RAPGEF4: variants seen among roughly 807,000 people sequenced by gnomAD.
The protein encoded by RAPGEF4 is Rap guanine nucleotide exchange factor 4, also known as RAP guanine-nucleotide-exchange factor (GEF) 4.
Under a neutral mutation model 147.9 loss-of-function variants are expected in RAPGEF4, and 66 were observed. That is an observed-to-expected ratio of 0.45 (90% CI 0.37 to 0.55). The LOEUF is 0.55. RAPGEF4 is among the 20% of genes least tolerant of loss of function. RAPGEF4 has a pLI of 0.00. For synonymous variants in RAPGEF4, 419 were observed against 442.7 expected (o/e 0.95, Z 0.67); for missense variants, 1,071 against 1,257.3 (o/e 0.85, Z 2.24).
intron 1 of RAPGEF4, among the ~76,000 whole-genome samples, chr2:172,774,075 C>G (rs926386640): frequency 4.6e-5 from 7 of 152,134 alleles, no homozygotes; most frequent in African/African-American, 1.7e-4. Flanking sequence ...CTTACTGTTG[C>G]GCTACTTCTA....
chr2:172,827,753 T>C (rs1689827398), intron 4 of RAPGEF4, among the ~76,000 whole-genome samples: 1 of 152,296 alleles, frequency 6.6e-6, no homozygotes, highest in Admixed American at 6.5e-5. Flanking sequence ...AGAAATGATA[T>C]AATGTAATCA....
intron 11 of RAPGEF4, among the ~76,000 whole-genome samples, chr2:172,983,787 G>T (rs1378073431): frequency 6.6e-6 from 1 of 152,116 alleles, no homozygotes; most frequent in Non-Finnish European, 1.5e-5. Flanking sequence ...ATTGGTAGTT[G>T]CCCATGTGCC....
At chr2:173,050,622 T>C (rs1686076516) in intron 30 of RAPGEF4, among the ~76,000 whole-genome samples, 1 of 152,198 alleles carries the variant, frequency 6.6e-6, no homozygotes, top group African/African-American at 2.4e-5. Context: ...TACCCAGTGA[T>C]GCTTGAAATG....
At chr2:172,793,945 G>C (rs1320850417) in intron 1 of RAPGEF4, among the ~76,000 whole-genome samples, 1 of 152,080 alleles carries the variant, frequency 6.6e-6, no homozygotes, top group Non-Finnish European at 1.5e-5. Context: ...AGACCAGCCT[G>C]GGCAATATGA....
intron 23 of RAPGEF4, among the ~76,000 whole-genome samples, chr2:173,022,568 A>G (rs1449460617): frequency 1.3e-5 from 2 of 152,004 alleles, no homozygotes; most frequent in East Asian, 3.9e-4. Flanking sequence ...TGTTGGCCAC[A>G]CTCTCTGATC....
chr2:172,826,964 C>CA (rs59106041), intron 4 of RAPGEF4, among the ~76,000 whole-genome samples: 4,398 of 138,724 alleles, frequency 0.032, 94 homozygotes, highest in East Asian at 0.11. Flanking sequence ...GACCCTTTCT[C>CA]AAAAAAAAAA....
rs373078674 is a variant in RAPGEF4 at position 172,748,353 on chromosome 2, A to G, written c.65+12305A>G. Among the ~76,000 whole-genome samples the G allele has an allele frequency of 7.2e-4, 110 of 152,314 alleles. 2 individuals carry two copies. In the South Asian group the frequency reaches 0.023, roughly 32 times the overall value. The stretch of plus-strand genomic sequence containing the variant: ...TAATTTATGAAGAAAAAGAGGTTTA[A>G]TGGACTCATAGTTCCATGTGTCTGG... On this transcript the variant is annotated intron_variant, in intron 1 of 30. Transcript: ENST00000397081.
chr2:172,740,741 C>T (rs994067000), intron 1 of RAPGEF4, among the ~76,000 whole-genome samples: 1 of 152,172 alleles, frequency 6.6e-6, no homozygotes, highest in East Asian at 1.9e-4. Context: ...GACATTACCC[C>T]GGTACATCCT....
intron 10 of RAPGEF4, among the ~76,000 whole-genome samples, chr2:172,969,298 T>C (rs541546205): frequency 1.3e-5 from 2 of 152,378 alleles, no homozygotes; most frequent in East Asian, 3.9e-4. Flanking sequence ...ACAAGAAGGC[T>C]TCTCCTCCTT....
chr2:173,016,318 G>T (rs1007678640), intron 18 of RAPGEF4, 31 bp from the exon 19 acceptor site: 6 of 1,507,670 alleles, frequency 4.0e-6, no homozygotes, highest in Middle Eastern at 1.7e-4. Context: ...TGCAGTTCTT[G>T]TTAAAAGCCT....
chr2:172,887,954 G>A (rs1006020737), intron 4 of RAPGEF4, among the ~76,000 whole-genome samples: 1 of 152,050 alleles, frequency 6.6e-6, no homozygotes, highest in African/African-American at 2.4e-5. Flanking sequence ...ATATATTAAA[G>A]CCCTTATCAT....
chr2:172,757,868 A>G (rs1257248888), intron 1 of RAPGEF4, among the ~76,000 whole-genome samples: 1 of 152,238 alleles, frequency 6.6e-6, no homozygotes, highest in Non-Finnish European at 1.5e-5. Context: ...CCAAAGAAAC[A>G]CCTTCTAGGT....
intron 4 of RAPGEF4, among the ~76,000 whole-genome samples, chr2:172,894,729 G>A (rs1441515601): frequency 6.6e-6 from 1 of 152,092 alleles, no homozygotes; most frequent in Non-Finnish European, 1.5e-5. Flanking sequence ...GCCAAAGTCT[G>A]GCTTTGCTCT....
chr2:172,958,653 G>C (rs1013558498), intron 6 of RAPGEF4, among the ~76,000 whole-genome samples: 11 of 152,132 alleles, frequency 7.2e-5, no homozygotes, highest in African/African-American at 2.4e-4. Context: ...GATCTGTGCT[G>C]GTAAACAGTA....
rs552803305 is a variant in RAPGEF4 at position 172,767,339 on chromosome 2, C to T, written c.66-27686C>T. On this transcript the variant is annotated intron_variant, in intron 1 of 30. Coordinates refer to ENST00000397081, the MANE Select transcript of RAPGEF4 (RefSeq NM_007023.4). ...GATTACAGGCATGCGCCACCATGCC[C>T]GGCTAGTTTTTGTATTTTTAGTATA... 6.1e-4 allele frequency among the ~76,000 whole-genome samples: 93 copies of T among 152,190 alleles called. 1 individual carries two copies. The highest frequency in any genetic ancestry group is 4.1e-3 in the Admixed American group (62 of 15,282).
intron 23 of RAPGEF4, among the ~76,000 whole-genome samples, chr2:173,025,172 C>A (rs189380972): frequency 6.6e-6 from 1 of 152,224 alleles, no homozygotes; most frequent in South Asian, 2.1e-4. Context: ...GGACCAGCAG[C>A]AGATGCTGCC....
intron 6 of RAPGEF4, among the ~76,000 whole-genome samples, chr2:172,941,877 A>G (rs912874355): frequency 4.1e-4 from 62 of 152,154 alleles, no homozygotes; most frequent in African/African-American, 1.2e-3. Context: ...GAACACGCAT[A>G]TAAAGTTCAC....
At position 173,051,912 on chromosome 2, in the gene RAPGEF4, A is replaced by G; in HGVS notation, c.*145A>G. On this transcript the variant is annotated 3_prime_UTR_variant, in exon 31 of 31. Transcript: ENST00000397081. Reference sequence around the variant, plus strand: ...CCTGAGACACCTCAGGGCTGCATTCAGCTTACCAGCTACCTAGCAAGAGAA... The same window carrying G: ...CCTGAGACACCTCAGGGCTGCATTCGGCTTACCAGCTACCTAGCAAGAGAA... 6.0e-6 allele frequency: 5 copies of G among 835,970 alleles called. No homozygotes were observed. The allele number at this position is 835,970 out of a possible 1,614,324, so 51.8% of individuals were successfully genotyped here. A position where few individuals can be genotyped will look rare whatever the true frequency, so the allele number is the denominator to read the frequency against.
intron 4 of RAPGEF4, among the ~76,000 whole-genome samples, chr2:172,850,979 G>A (rs891483265): frequency 6.6e-6 from 1 of 152,012 alleles, no homozygotes; most frequent in South Asian, 2.1e-4. Flanking sequence ...CTTGTCTTAT[G>A]CTAGCTTTGG....
Sources: gnomAD v4.1 joint callset for allele counts (sites outside exome capture counted in the v4.1 genomes callset) on GRCh38, gnomAD v4.1.1 for gene constraint, MANE v1.5 for transcripts, NCBI Gene and HGNC (gene_info 2026-07-23, HGNC 2026-07-21) for gene names.